Variants in ANKRD30B observed in about 807,000 individuals in gnomAD.
The protein encoded by ANKRD30B is ankyrin repeat domain 30B.
In ANKRD30B, 144 loss-of-function variants were observed where a neutral mutation model predicts 202.2. The ratio of observed to expected loss-of-function variants is 0.71; its 90% CI spans 0.62 to 0.82. The LOEUF is 0.82. Ranked by LOEUF, ANKRD30B falls within the 40% of genes least tolerant of loss-of-function variation. The pLI, the probability that ANKRD30B is intolerant of heterozygous loss-of-function variation, is 0.00. For synonymous variants in ANKRD30B, 508 were observed against 561.3 expected (o/e 0.91, Z 1.34); for missense variants, 1,487 against 1,669.1 (o/e 0.89, Z 1.90).
At chr18:14,910,659 A>G in the ANKRD30B span, among the ~76,000 whole-genome samples, 1,423 of 152,076 alleles carry the variant, frequency 9.4e-3, 25 homozygotes, top group African/African-American at 0.032. Flanking sequence ...GGGATTGCTG[A>G]ATCAAATTGT....
rs186004835 is a variant in ANKRD30B at position 14,809,866 on chromosome 18, T to C, written c.2387-120T>C. 6.0e-6 allele frequency: 6 copies of C among 1,000,896 alleles called. No individual in the cohort carries two copies. In the South Asian group the frequency reaches 6.4e-5, roughly 11 times the overall value. The allele number at this position is 1,000,896 out of a possible 1,614,324, so 62.0% of individuals were successfully genotyped here. On this transcript the variant is annotated intron_variant, in intron 26 of 43. Transcript: ENST00000690538. ...CAATAACCCAAAAGACCCCAAAACC[T>C]AGTGTAATCCCTTTTCAATCCAAGC...
chr18:14,778,600 A>T (rs573336636), intron 10 of ANKRD30B, among the ~76,000 whole-genome samples: 9 of 152,300 alleles, frequency 5.9e-5, no homozygotes, highest in African/African-American at 1.4e-4. Flanking sequence ...GGTTAATATA[A>T]GCATATTTGC....
chr18:14,765,618 C>A (rs1055713624), intron 7 of ANKRD30B, among the ~76,000 whole-genome samples: 1 of 152,124 alleles, frequency 6.6e-6, no homozygotes, highest in Non-Finnish European at 1.5e-5. Context: ...GTATAAAAAA[C>A]CATTTGGTAA....
At chr18:14,842,536 A>T (rs1407634902) in intron 37 of ANKRD30B, among the ~76,000 whole-genome samples, 2 of 152,120 alleles carry the variant, frequency 1.3e-5, no homozygotes. Context: ...ATGGCGTAGG[A>T]TTCTATATTC....
the ANKRD30B span, among the ~76,000 whole-genome samples, chr18:14,912,991 C>T: frequency 2.0e-5 from 3 of 152,178 alleles, no homozygotes; most frequent in Non-Finnish European, 4.4e-5. Context: ...TATGCAATTG[C>T]TGGGTCCAAG....
In ANKRD30B at chr18:14,752,686, T is replaced by C. The variant is rs779320927; in HGVS notation, c.336+6T>C. ...GGAGGACACCTCTGATGAAGGTAAA[T>C]AGTAGCCAGTTTTTTCAGCGGGAGA... On this transcript the variant is annotated splice_donor_region_variant and intron_variant, in intron 2 of 43. Transcript: ENST00000690538. The C allele has an allele frequency of 2.3e-5, 37 of 1,592,290 alleles. No homozygotes were observed. The South Asian group carries it at 4.1e-4, about 17-fold the overall frequency.
the ANKRD30B span, among the ~76,000 whole-genome samples, chr18:14,919,082 C>T: frequency 6.6e-6 from 1 of 152,172 alleles, no homozygotes; most frequent in South Asian, 2.1e-4. Context: ...TTACTCGGTT[C>T]CAGGTATCCT....
At chr18:14,821,197 A>G (rs1598675092) in intron 30 of ANKRD30B, among the ~76,000 whole-genome samples, 3 of 152,050 alleles carry the variant, frequency 2.0e-5, no homozygotes, top group African/African-American at 7.2e-5. Flanking sequence ...TTTCTGTGGG[A>G]TCGGTGGTGA....
At chr18:14,855,212 CG>C (rs1420825600), downstream of ANKRD30B, among the ~76,000 whole-genome samples, 2 of 152,112 alleles carry the variant, frequency 1.3e-5, no homozygotes, top group Non-Finnish European at 2.9e-5. Context: ...TCAGAGAGCA[CG>C]GGGTTGGGGG....
In ANKRD30B at chr18:14,779,940, T is replaced by C. The variant is rs1967615058; in HGVS notation, c.1421-20T>C. 2 of 1,528,864 alleles carry C rather than the reference T, an allele frequency of 1.3e-6. No homozygotes were observed. Among genetic ancestry groups the C allele is most frequent in the Non-Finnish European group, 1.8e-6 (2 of 1,107,288 alleles). The allele number at this position is 1,528,864 out of a possible 1,614,324, so 94.7% of individuals were successfully genotyped here. On this transcript the variant is annotated intron_variant, in intron 10 of 43. Coordinates refer to ENST00000690538, the MANE Select transcript of ANKRD30B (RefSeq NM_001367607.2). ...AATAAGGAATGCTCTCATGAATGTA[T>C]CTGTGATTAACATTTTTAGATCAGA...
chr18:14,898,632 T>C, the ANKRD30B span, among the ~76,000 whole-genome samples: 1 of 152,190 alleles, frequency 6.6e-6, no homozygotes, highest in Admixed American at 6.5e-5. Flanking sequence ...ATTCCTTTTT[T>C]ACTGATGCCT....
intron 24 of ANKRD30B, among the ~76,000 whole-genome samples, chr18:14,806,539 G>A (rs565814884): frequency 1.3e-5 from 2 of 150,430 alleles, no homozygotes; most frequent in South Asian, 4.3e-4. Flanking sequence ...AAATAACGAA[G>A]GTAGTATTTC....
intron 11 of ANKRD30B, among the ~76,000 whole-genome samples, chr18:14,781,846 G>C (rs1452831027): frequency 1.3e-5 from 2 of 152,112 alleles, no homozygotes; most frequent in Non-Finnish European, 2.9e-5. Context: ...ATTAACAAAA[G>C]CTTGAGTCAA....
rs764848358 is a variant in ANKRD30B, at chr18:14,799,288, C to G, written c.2124C>G (p.Phe708Leu). 39 of 1,529,208 alleles carry G rather than the reference C, an allele frequency of 2.6e-5. No individual in the cohort carries two copies. The highest frequency in any genetic ancestry group is 7.0e-6 in the Non-Finnish European group (8 of 1,141,924). 94.7% of individuals were successfully genotyped at this position (1,529,208 alleles called of 1,614,324 possible). A position where few individuals can be genotyped will look rare whatever the true frequency, so the allele number is the denominator to read the frequency against. The change falls in exon 22 of 44, where the codon TTC (phenylalanine) becomes TTG (leucine). Residue 708 changes from phenylalanine to leucine, a missense_variant. This residue lies in a region of ANKRD30B where 889 missense variants were observed against 841.4 expected (regional missense o/e 1.06). Coordinates refer to ENST00000690538, the MANE Select transcript of ANKRD30B (RefSeq NM_001367607.2). ...TAGAATTGAAGGACAGAGAAACATT[C>G]AAAGCAGGTAAATTTTGCAATTTTA... Reference protein sequence around the residue: ...KALELKDRETFKAAQMFPSES... With the variant: ...KALELKDRETLKAAQMFPSES...
chr18:14,936,348 C>A, the ANKRD30B span, among the ~76,000 whole-genome samples: 1 of 152,142 alleles, frequency 6.6e-6, no homozygotes, highest in Non-Finnish European at 1.5e-5. Flanking sequence ...ACAGCTTCTT[C>A]CATCCTCCCT....
chr18:14,936,604 G>A, the ANKRD30B span, among the ~76,000 whole-genome samples: 1 of 152,162 alleles, frequency 6.6e-6, no homozygotes, highest in African/African-American at 2.4e-5. Context: ...AGGGACACCA[G>A]GGCTGTGAGG....
the ANKRD30B span, among the ~76,000 whole-genome samples, chr18:14,931,901 G>A: frequency 4.3e-5 from 6 of 138,112 alleles, no homozygotes; most frequent in South Asian, 2.4e-4. Flanking sequence ...TCTGTCCCAG[G>A]CCCCCCACCC....
rs576469832 is a variant in ANKRD30B at position 14,838,282 on chromosome 18, A to G, written c.2988+606A>G. On this transcript the variant is annotated intron_variant, in intron 36 of 43. Transcript: ENST00000690538. ...ACTGTATGATTCTGTGTATATCTAG[A>G]TGTACAAAAGCTCTAACTGGATTCG... 4.6e-5 allele frequency among the ~76,000 whole-genome samples: 7 copies of G among 152,358 alleles called. No homozygotes were observed. The South Asian group carries it at 1.0e-3, about 23-fold the overall frequency.
chr18:14,883,420 TA>T, the ANKRD30B span: 2 of 21,348 alleles, frequency 9.4e-5, no homozygotes, highest in African/African-American at 2.4e-4. Flanking sequence ...TATATATATA[TA>T]TATATCTATA....
Sources: gnomAD v4.1 joint callset for allele counts (sites outside exome capture counted in the v4.1 genomes callset) on GRCh38, gnomAD v4.1.1 for gene constraint, gnomAD v4.1.1 regional missense constraint, MANE v1.5 for transcripts, NCBI Gene and HGNC (gene_info 2026-07-23, HGNC 2026-07-21) for gene names.